ACAP1: variants seen among roughly 807,000 people sequenced by gnomAD.
ACAP1 encodes the protein arf-GAP with coiled-coil, ANK repeat and PH domain-containing protein 1.
ACAP1 carries 45 observed loss-of-function variants against 98.8 expected under a neutral mutation model. The ratio of observed to expected loss-of-function variants is 0.46; its 90% CI spans 0.36 to 0.58. The LOEUF (loss-of-function observed/expected upper bound fraction) is 0.58. Among genes scored for constraint, ACAP1 ranks in the 20% least tolerant of loss-of-function variants. The pLI is 0.00. For missense variants in ACAP1, 735 were observed against 971.4 expected (o/e 0.76, Z 3.24); for synonymous variants, 362 against 375.3 (o/e 0.96, Z 0.41).
intron 5 of ACAP1, chr17:7,342,741 A>C: frequency 2.0e-6 from 1 of 501,292 alleles, no homozygotes; most frequent in East Asian, 3.6e-5. Context: ...CTCTACTAAA[A>C]AATACGAAAA....
In ACAP1 at chr17:7,346,156, T is replaced by G. The variant is rs2073343810; in HGVS notation, c.855-88T>G. 5 of 1,280,350 alleles carry G rather than the reference T, an allele frequency of 3.9e-6. No individual in the cohort carries two copies. In the Middle Eastern group the frequency reaches 7.0e-4, roughly 178 times the overall value. The allele number at this position is 1,280,350 out of a possible 1,614,324, so 79.3% of individuals were successfully genotyped here. On this transcript the variant is annotated intron_variant, in intron 10 of 21. Transcript: ENST00000158762. ...TCAGCCCAGGTGTCTGTCCTCTCAG[T>G]AAGATCCTCATGGGCAAAAAGCACA...
rs915688172 is a variant in ACAP1, at chr17:7,336,806, G to A, written c.53+19G>A. 1 of 1,613,330 alleles carries A rather than the reference G, an allele frequency of 6.2e-7. No homozygotes were observed. Among genetic ancestry groups the A allele is most frequent in the Non-Finnish European group, 8.5e-7 (1 of 1,179,358 alleles). ...GTTTCCGGTAAGTGTGAACTGGTCT[G>A]GGGGGCTAAGGAGGGGAAAGTCTAA... On this transcript the variant is annotated intron_variant, in intron 1 of 21. Transcript: ENST00000158762.
Position 7,351,150 on chromosome 17 carries a change from A to C in ACAP1, c.2123-145A>C, listed in dbSNP as rs539827764. 93 of 1,093,404 alleles carry C rather than the reference A, an allele frequency of 8.5e-5. No homozygotes were observed. In the African/African-American group the frequency reaches 1.3e-3, roughly 16 times the overall value. The allele number at this position is 1,093,404 out of a possible 1,614,324, so 67.7% of individuals were successfully genotyped here. A position where few individuals can be genotyped will look rare whatever the true frequency, so the allele number is the denominator to read the frequency against. ...GCATGCGACGTGCCAGGCCCTGGCA[A>C]GGCATAGGTGCTGGCGCAGTGCCCG... On this transcript the variant is annotated intron_variant, in intron 21 of 21. Transcript: ENST00000158762.
chr17:7,347,314 A>G, intron 14 of ACAP1, 72 bp downstream of exon 14: 1 of 1,369,928 alleles, frequency 7.3e-7, no homozygotes, highest in East Asian at 2.4e-5. Context: ...AGAGCGCATC[A>G]CACCGGCCCC....
rs760636497 is a variant in ACAP1, at chr17:7,350,131, G to T, written c.1966G>T (p.Ala656Ser). 1.9e-6 allele frequency: 3 copies of T among 1,614,016 alleles called. No homozygotes were observed. Among genetic ancestry groups the T allele is most frequent in the African/African-American group, 2.7e-5 (2 of 74,948 alleles). ...HATILGHTGL[A>S]CLFLKRGADL... ...GACCCTGGCTCTTCTCTCCAGGCTC[G>T]CCTGCCTGTTCCTGAAACGGGGAGC... The change falls in exon 20 of 22, where the codon GCC (alanine) becomes TCC (serine). Residue 656 changes from alanine (A) to serine (S), a missense_variant. By Grantham distance (99) the Ala-to-Ser change is moderately conservative. Coordinates refer to ENST00000158762, the MANE Select transcript of ACAP1 (RefSeq NM_014716.4). The surrounding 1 kb of genome is among the most constrained non-coding windows in gnomAD (Gnocchi z 4.6).
At position 7,346,021 on chromosome 17, in the gene ACAP1, T is replaced by C. The variant is rs955425520; in HGVS notation, c.855-223T>C. 3 of 537,576 alleles carry C rather than the reference T, an allele frequency of 5.6e-6. No homozygotes were observed. The South Asian group carries it at 7.3e-5, about 13-fold the overall frequency. 33.3% of individuals were successfully genotyped at this position (537,576 alleles called of 1,614,324 possible). Reference sequence around the variant, plus strand: ...AATTTTACTGCCATCTGCTGGAAAGTTGTCTTCATAACTATATGAAATCTG... The same window carrying C: ...AATTTTACTGCCATCTGCTGGAAAGCTGTCTTCATAACTATATGAAATCTG... On this transcript the variant is annotated intron_variant, in intron 10 of 21. Coordinates refer to ENST00000158762, the MANE Select transcript of ACAP1 (RefSeq NM_014716.4).
chr17:7,349,097 A>G lies in ACAP1; in HGVS notation c.1781A>G (p.His594Arg). Reference protein sequence around the residue: ...SLPTMADALAHGADVNWVNGG... With the variant: ...SLPTMADALARGADVNWVNGG... Reference sequence around the variant, plus strand: ...CCCACCATGGCTGATGCCCTTGCCCATGGAGCTGATGTCAACTGGGTCAAT... The same window carrying G: ...CCCACCATGGCTGATGCCCTTGCCCGTGGAGCTGATGTCAACTGGGTCAAT... The change falls in exon 18 of 22, where the codon CAT (histidine) becomes CGT (arginine). Residue 594 changes from histidine (H) to arginine (R), a missense_variant. His to Arg is a conservative substitution (Grantham distance 29). Transcript: ENST00000158762. 6.2e-7 allele frequency: 1 copy of G among 1,613,976 alleles called. No homozygotes were observed.
At chr17:7,341,842 G>A in intron 2 of ACAP1, 106 bp from the exon 3 acceptor site, 1 of 1,532,598 alleles carries the variant, frequency 6.5e-7, no homozygotes, top group Non-Finnish European at 8.9e-7. Flanking sequence ...GGCAGGAATA[G>A]GGGAGCGCCG....
chr17:7,346,529 T>C (rs2073347998), intron 12 of ACAP1, 38 bp downstream of exon 12: 1 of 1,508,932 alleles, frequency 6.6e-7, no homozygotes, highest in Non-Finnish European at 8.9e-7. Flanking sequence ...CTAATATATC[T>C]AAACAACTGC....
chr17:7,351,007 A>AT lies in ACAP1; in HGVS notation c.2122+9dup. The AT allele has an allele frequency of 6.2e-7, 1 of 1,614,018 alleles. No individual in the cohort carries two copies. Among genetic ancestry groups the AT allele is most frequent in the Admixed American group, 1.7e-5 (1 of 60,022 alleles). ...CGGCCCAGGGGCAGGCAGGTAAAGA[A>AT]TACACCCACCCCACCCCCCAGGCCC... On this transcript the variant is annotated intron_variant, in intron 21 of 21. Coordinates refer to ENST00000158762, the MANE Select transcript of ACAP1 (RefSeq NM_014716.4).
Position 7,346,433 on chromosome 17 carries a change from G to T in ACAP1, c.949G>T (p.Val317Leu), listed in dbSNP as rs1199943484. ...VVVDDLRLCT[V>L]KLCPDSERRF... The stretch of plus-strand genomic sequence containing the variant: ...GGTGGATGACCTTCGTCTCTGCACA[G>T]TGAAACTCTGCCCTGACTCAGAAAG... Residue 317 changes from valine to leucine, a missense_variant, in exon 12 of 22, where the codon GTG becomes TTG. Coordinates refer to ENST00000158762, the MANE Select transcript of ACAP1 (RefSeq NM_014716.4). 6.2e-7 allele frequency: 1 copy of T among 1,613,782 alleles called. No individual in the cohort carries two copies. The highest frequency in any genetic ancestry group is 1.1e-5 in the South Asian group (1 of 91,026).
chr17:7,350,913 G>C lies in ACAP1; in HGVS notation c.2073-37G>C. On this transcript the variant is annotated intron_variant, in intron 20 of 21. Coordinates refer to ENST00000158762, the MANE Select transcript of ACAP1 (RefSeq NM_014716.4). The surrounding 1 kb of genome is among the most constrained non-coding windows in gnomAD (Gnocchi z 4.6). Reference sequence around the variant, plus strand: ...GCGTGAGCCACCGCGCCCGGCCAAAGATAGTGTCGTTCATTTCTTAATTCC... The same window carrying C: ...GCGTGAGCCACCGCGCCCGGCCAAACATAGTGTCGTTCATTTCTTAATTCC... 1.2e-6 allele frequency: 2 copies of C among 1,612,636 alleles called. No individual in the cohort carries two copies. The highest frequency in any genetic ancestry group is 1.7e-6 in the Non-Finnish European group (2 of 1,178,728).
chr17:7,346,761 TCCC>T, intron 12 of ACAP1, 44 bp from the exon 13 acceptor site: 1 of 1,575,532 alleles, frequency 6.3e-7, no homozygotes, highest in Non-Finnish European at 8.6e-7. Context: ...CCACTTTGCT[TCCC>T]AGGCCTCAGA....
At position 7,350,253 on chromosome 17, in the gene ACAP1, G is replaced by T. The variant is rs776377448; in HGVS notation, c.2072+16G>T. The T allele has an allele frequency of 8.7e-6, 14 of 1,609,248 alleles. No homozygotes were observed. Among genetic ancestry groups the T allele is most frequent in the Non-Finnish European group, 3.4e-6 (4 of 1,176,188 alleles). On this transcript the variant is annotated intron_variant, in intron 20 of 21. Coordinates refer to ENST00000158762, the MANE Select transcript of ACAP1 (RefSeq NM_014716.4). The surrounding 1 kb of genome is among the most constrained non-coding windows in gnomAD (Gnocchi z 4.6). ...TCGTCACCCTGTAAGAATGCCTGAA[G>T]GGGCGGGGCTGGCGCTGGGACTCCC...
At chr17:7,339,708 ACT>A (rs1036521360) in intron 2 of ACAP1, among the ~76,000 whole-genome samples, 1 of 152,018 alleles carries the variant, frequency 6.6e-6, no homozygotes, top group African/African-American at 2.4e-5. Context: ...TTTTGCATAT[ACT>A]CTTTTTTGGT....
At chr17:7,338,127 A>G (rs1270069743) in intron 2 of ACAP1, among the ~76,000 whole-genome samples, 1 of 152,146 alleles carries the variant, frequency 6.6e-6, no homozygotes, top group Non-Finnish European at 1.5e-5. Context: ...TACCTCTGAC[A>G]CATTATGTAT....
rs1375410204 is a variant in ACAP1, at chr17:7,344,607, T to C, written c.813T>C (p.His271=). The change falls in exon 10 of 22, where the codon CAT becomes CAC. Residue 271 remains histidine (H), a synonymous_variant. Transcript: ENST00000158762. This position sits in a 1 kb window ranked among gnomAD's most constrained non-coding sequence, Gnocchi z 4.9. ...CTGGTGGCCTGGTGATGGAAGGACA[T>C]CTCTTCAAACGGGCCAGCAACGCAT... The part of the protein sequence containing the change: ...EGPGGLVMEG[H]LFKRASNAFK... 2 of 1,551,148 alleles carry C rather than the reference T, an allele frequency of 1.3e-6. No individual in the cohort carries two copies. Among genetic ancestry groups the C allele is most frequent in the African/African-American group, 2.7e-5 (2 of 72,864 alleles).
At chr17:7,346,014 T>C (rs2073342450) in intron 10 of ACAP1, 3 of 525,376 alleles carry the variant, frequency 5.7e-6, no homozygotes, top group Admixed American at 6.7e-5. Context: ...TGCCATCTGC[T>C]GGAAAGTTGT....
chr17:7,349,914 C>G, intron 18 of ACAP1, 31 bp from the exon 19 acceptor site: 1 of 1,550,840 alleles, frequency 6.4e-7, no homozygotes, highest in Non-Finnish European at 8.8e-7. Context: ...GGATGCCACC[C>G]TCAACCCCCC....
Sources: gnomAD v4.1 joint callset for allele counts (sites outside exome capture counted in the v4.1 genomes callset) on GRCh38, gnomAD v4.1.1 for gene constraint, Gnocchi (gnomAD v3.1) non-coding constraint, MANE v1.5 for transcripts, NCBI Gene and HGNC (gene_info 2026-07-23, HGNC 2026-07-21) for gene names.